The following B3GAT1 variants were observed in gnomAD, a reference collection of about 807,000 sequenced individuals.
B3GAT1 encodes the protein galactosylgalactosylxylosylprotein 3-beta-glucuronosyltransferase 1.
B3GAT1 carries 11 observed loss-of-function variants against 28.4 expected under a neutral mutation model. The ratio of observed to expected loss-of-function variants is 0.39; its 90% confidence interval spans 0.24 to 0.64. The LOEUF is 0.64. B3GAT1 is among the 30% of genes least tolerant of loss of function. The pLI is 0.50. For synonymous variants in B3GAT1, 255 were observed against 223.1 expected, an observed-to-expected ratio of 1.14 and a Z score of -1.27; for missense variants, 375 against 491.0, an observed-to-expected ratio of 0.76 and a Z score of 2.23.
In B3GAT1 at chr11:134,384,040, G is replaced by C; in HGVS notation, c.261C>G (p.His87Gln). 2 of 1,605,536 alleles carry C rather than the reference G, an allele frequency of 1.2e-6. No individual in the cohort carries two copies. Among genetic ancestry groups the C allele is most frequent in the African/African-American group, 1.3e-5 (1 of 75,028 alleles). ...PPWSDTLPTI[H>Q]VVTPTYSRPV... ...GGCGGCTGTAGGTGGGCGTCACCAC[G>C]TGGATGGTGGGCAGCGTGTCGGACC... The change falls in exon 3 of 6, where the codon CAC becomes CAG. Residue 87 changes from histidine (H) to glutamine (Q), a missense_variant. His to Gln is a conservative substitution (Grantham distance 24, BLOSUM62 0). Coordinates refer to ENST00000312527, the MANE Select transcript of B3GAT1 (RefSeq NM_054025.3).
intron 2 of B3GAT1, chr11:134,387,262 G>A (rs540762276): frequency 4.3e-5 from 17 of 394,176 alleles, no homozygotes; most frequent in African/African-American, 3.2e-4. Context: ...TTCCCCAGGG[G>A]GCAGGGCGTG....
At position 134,378,979 on chromosome 11, in the gene B3GAT1, A is replaced by C. The variant is rs1944069005; in HGVS notation, c.*1783T>G. 6.6e-6 allele frequency: 1 copy of C among 152,154 alleles called. No individual in the cohort carries two copies. The allele number at this position is 152,154 out of a possible 1,614,324, so 9.4% of individuals were successfully genotyped here. On this transcript the variant is annotated 3_prime_UTR_variant, in exon 6 of 6. Transcript: ENST00000312527. ...TTGGCTGGCTTCTGTGAGGCAGTAG[A>C]GTGCCCACACATAAGCTCACCACCT...
chr11:134,380,121 A>T lies in B3GAT1; in HGVS notation c.*641T>A, dbSNP rs1944091280. ...TGCCTATTAGGCCCAGGCTCCCCCC[A>T]TGCAGGGCTGGGTGCCTGTTGGGAT... On this transcript the variant is annotated 3_prime_UTR_variant, in exon 6 of 6. Transcript: ENST00000312527. 6.6e-6 allele frequency: 1 copy of T among 152,456 alleles called. No homozygotes were observed. The highest frequency in any genetic ancestry group is 6.5e-5 in the Admixed American group (1 of 15,290). 9.4% of individuals were successfully genotyped at this position (152,456 alleles called of 1,614,324 possible). A position where few individuals can be genotyped will look rare whatever the true frequency, so the allele number is the denominator to read the frequency against.
chr11:134,386,698 T>TTCC (rs1438066588), intron 2 of B3GAT1: 1 of 152,196 alleles, frequency 6.6e-6, no homozygotes, highest in East Asian at 1.9e-4. Context: ...AGAAATCCTA[T>TTCC]TCCTCCCCCA....
At chr11:134,383,057 G>GCCGCGCGTGCCCAAGGGAGGCGA in intron 3 of B3GAT1, 51 bp from the exon 4 acceptor site, 1 of 1,480,380 alleles carries the variant, frequency 6.8e-7, no homozygotes, top group Non-Finnish European at 9.0e-7. Context: ...GATGAGGACG[G>GCCGCGCGTGCCCAAGGGAGGCGA]CCGCGCGTGC....
intron 1 of B3GAT1, 185 bp from the exon 2 acceptor site, chr11:134,388,125 A>C (rs1255630252): frequency 2.8e-6 from 1 of 357,074 alleles, no homozygotes; most frequent in African/African-American, 2.1e-5. Context: ...TCCCACAGGC[A>C]CAGGGCCATG....
Position 134,387,925 on chromosome 11 carries a change from C to T in B3GAT1, c.-266G>A, listed in dbSNP as rs1944330105. On this transcript the variant is annotated 5_prime_UTR_variant, in exon 2 of 6. Transcript: ENST00000312527. ...CTGTCCAGGGGCAGGGGTCAGGAAC[C>T]CTGGGGGGTGGACACCTGCAAGAGA... The T allele has an allele frequency of 7.0e-7, 1 of 1,436,150 alleles. No individual in the cohort carries two copies. The highest frequency in any genetic ancestry group is 9.3e-7 in the Non-Finnish European group (1 of 1,071,640). 89.0% of individuals were successfully genotyped at this position (1,436,150 alleles called of 1,614,324 possible). A position where few individuals can be genotyped will look rare whatever the true frequency, so the allele number is the denominator to read the frequency against.
At position 134,396,969 on chromosome 11, in the gene B3GAT1, T is replaced by C. The variant is rs565997644; in HGVS notation, c.-281-9029A>G. On this transcript the variant is annotated intron_variant, in intron 1 of 5. Transcript: ENST00000312527. ...CGGAGCTGCTACACCTCTTGTTGTC[T>C]GGCATGTCCCATTGTGACCTAACAC... Among the ~76,000 whole-genome samples, 4 of 152,312 alleles carry C rather than the reference T, an allele frequency of 2.6e-5. No individual in the cohort carries two copies. In the East Asian group the frequency reaches 5.8e-4, roughly 22 times the overall value.
At position 134,382,123 on chromosome 11, in the gene B3GAT1, C is replaced by G. The variant is rs187867352; in HGVS notation, c.919-99G>C. 1.8e-4 allele frequency: 158 copies of G among 899,356 alleles called. No individual in the cohort carries two copies. The East Asian group carries it at 3.9e-3, about 22-fold the overall frequency. The allele number at this position is 899,356 out of a possible 1,614,324, so 55.7% of individuals were successfully genotyped here. On this transcript the variant is annotated intron_variant, in intron 4 of 5. Coordinates refer to ENST00000312527, the MANE Select transcript of B3GAT1 (RefSeq NM_054025.3). ...ACACTGTGTAAACATTTCTCCTGCC[C>G]CTCCTTTTCCTTCGAGAGTTTTTCA...
chr11:134,399,131 G>A (rs1223859016), intron 1 of B3GAT1, among the ~76,000 whole-genome samples: 2 of 152,152 alleles, frequency 1.3e-5, no homozygotes, highest in Non-Finnish European at 2.9e-5. Flanking sequence ...GGGAGCAAAG[G>A]GGTTCTCACT....
At chr11:134,382,340 T>C (rs1944148908) in intron 4 of B3GAT1, among the ~76,000 whole-genome samples, 1 of 152,168 alleles carries the variant, frequency 6.6e-6, no homozygotes, top group Admixed American at 6.5e-5. Context: ...CATGTTCATG[T>C]GCATATGTGT....
At chr11:134,405,408 A>C (rs913147231) in intron 1 of B3GAT1, among the ~76,000 whole-genome samples, 1 of 152,210 alleles carries the variant, frequency 6.6e-6, no homozygotes, top group Non-Finnish European at 1.5e-5. Context: ...TCCTGTGGTC[A>C]GGGTGCGTAG....
At chr11:134,382,606 C>T in intron 4 of B3GAT1, 104 bp downstream of exon 4, 1 of 1,382,008 alleles carries the variant, frequency 7.2e-7, no homozygotes, top group Non-Finnish European at 9.8e-7. Context: ...TCCAGAAAGC[C>T]CAGGCTATTT....
chr11:134,398,541 A>G (rs1438213759), intron 1 of B3GAT1, among the ~76,000 whole-genome samples: 2 of 152,212 alleles, frequency 1.3e-5, no homozygotes, highest in Non-Finnish European at 2.9e-5. Context: ...TTGTAATCCC[A>G]AAGGTTTGTT....
At chr11:134,400,354 T>C (rs1944588735) in intron 1 of B3GAT1, among the ~76,000 whole-genome samples, 1 of 152,224 alleles carries the variant, frequency 6.6e-6, no homozygotes, top group African/African-American at 2.4e-5. Flanking sequence ...GCAGGAGCTA[T>C]GCCAATATCC....
rs1944195374 is a variant in B3GAT1 at position 134,383,717 on chromosome 11, T to C, written c.584A>G (p.Asp195Gly). The change falls in exon 3 of 6, where the codon GAC becomes GGC. Residue 195 changes from aspartate (D) to glycine (G), a missense_variant. Transcript: ENST00000312527. ...CTCCAGGCTGTAGGTGTTGTCGTCG[T>C]CGGCGAAGTAGACCACGCCAGGCTG... ...SSQPGVVYFA[D>G]DDNTYSLELF... The C allele has an allele frequency of 6.3e-7, 1 of 1,590,954 alleles. No homozygotes were observed. Among genetic ancestry groups the C allele is most frequent in the Non-Finnish European group, 8.6e-7 (1 of 1,164,968 alleles).
chr11:134,384,014 G>T lies in B3GAT1; in HGVS notation c.287C>A (p.Pro96Gln). The change falls in exon 3 of 6, where the codon CCG becomes CAG. Residue 96 changes from proline to glutamine, a missense_variant. Coordinates refer to ENST00000312527, the MANE Select transcript of B3GAT1 (RefSeq NM_054025.3). ...IHVVTPTYSR[P>Q]VQKAELTRMA... is the part of the protein sequence containing the mutation. Reference sequence around the variant, plus strand: ...GCGCGTCAGCTCGGCCTTCTGCACCGGGCGGCTGTAGGTGGGCGTCACCAC... The same window carrying T: ...GCGCGTCAGCTCGGCCTTCTGCACCTGGCGGCTGTAGGTGGGCGTCACCAC... 3 of 1,605,280 alleles carry T rather than the reference G, an allele frequency of 1.9e-6. No homozygotes were observed. The highest frequency in any genetic ancestry group is 2.5e-6 in the Non-Finnish European group (3 of 1,179,064).
chr11:134,409,835 C>T lies in B3GAT1; in HGVS notation c.-282+1972G>A, dbSNP rs568201770. On this transcript the variant is annotated intron_variant, in intron 1 of 5. Transcript: ENST00000312527. The stretch of plus-strand genomic sequence containing the variant: ...CCTCAGTCAGGCTCTCTCTCGGATT[C>T]CTCCTCCTCCTGAGCCCGTTCCTCT... The T allele has an allele frequency of 2.6e-5, 4 of 152,694 alleles. No homozygotes were observed. In the East Asian group the frequency reaches 7.7e-4, roughly 29 times the overall value. The allele number at this position is 152,694 out of a possible 1,614,324, so 9.5% of individuals were successfully genotyped here. A position where few individuals can be genotyped will look rare whatever the true frequency, so the allele number is the denominator to read the frequency against.
intron 1 of B3GAT1, among the ~76,000 whole-genome samples, chr11:134,400,652 A>G (rs959547676): frequency 1.3e-5 from 2 of 152,214 alleles, no homozygotes; most frequent in Admixed American, 6.5e-5. Context: ...ACTTCAAACT[A>G]TCTAAGAATC....
Sources: gnomAD v4.1 joint callset for allele counts (sites outside exome capture counted in the v4.1 genomes callset) on GRCh38, gnomAD v4.1.1 for gene constraint, MANE v1.5 for transcripts, NCBI Gene and HGNC (gene_info 2026-07-23, HGNC 2026-07-21) for gene names.